TSPAN9: variants seen among roughly 807,000 people sequenced by gnomAD.
The protein encoded by TSPAN9 is tetraspanin 9, also known as tetraspanin-9.
TSPAN9 carries 16 observed loss-of-function variants against 31.0 expected under a neutral mutation model. That is an observed-to-expected ratio of 0.52 (90% CI 0.35 to 0.78). The LOEUF (loss-of-function observed/expected upper bound fraction) is 0.78. TSPAN9 is among the 30% of genes least tolerant of loss of function. TSPAN9 has a pLI of 0.01. For missense variants in TSPAN9, 272 were observed against 312.5 expected (o/e 0.87, Z 0.98); for synonymous variants, 145 against 121.6 (o/e 1.19, Z -1.27).
chr12:3,246,755 C>T (rs1215398775), intron 3 of TSPAN9, among the ~76,000 whole-genome samples: 1 of 152,186 alleles, frequency 6.6e-6, no homozygotes, highest in Non-Finnish European at 1.5e-5. Flanking sequence ...TGGTATCTTC[C>T]CCAGCTCCGC....
intron 2 of TSPAN9, among the ~76,000 whole-genome samples, chr12:3,090,315 C>A (rs2098303600): frequency 6.6e-6 from 1 of 152,230 alleles, no homozygotes; most frequent in African/African-American, 2.4e-5. Flanking sequence ...TTAACACAAA[C>A]ACCATTTTCT....
intron 3 of TSPAN9, among the ~76,000 whole-genome samples, chr12:3,247,391 A>G (rs1324236051): frequency 7.1e-6 from 1 of 141,264 alleles, no homozygotes; most frequent in Non-Finnish European, 1.5e-5. Flanking sequence ...AGGAGATGGG[A>G]CCTAAAGATG....
intron 3 of TSPAN9, among the ~76,000 whole-genome samples, chr12:3,244,868 G>C (rs968298491): frequency 6.6e-6 from 1 of 152,154 alleles, no homozygotes; most frequent in African/African-American, 2.4e-5. Flanking sequence ...TTCCTCCCCT[G>C]CTCCTCCTGG....
chr12:3,271,124 A>T (rs1408953209), intron 3 of TSPAN9, among the ~76,000 whole-genome samples: 1 of 152,230 alleles, frequency 6.6e-6, no homozygotes, highest in South Asian at 2.1e-4. Context: ...AGGCACAAAA[A>T]TATGGGTGTC....
chr12:3,079,593 C>T (rs1207249877), intron 1 of TSPAN9, among the ~76,000 whole-genome samples: 1 of 152,104 alleles, frequency 6.6e-6, no homozygotes, highest in Non-Finnish European at 1.5e-5. Context: ...TCCCAAGTAA[C>T]TGGGATTACA....
chr12:3,198,694 AC>A (rs1434579820), intron 2 of TSPAN9, among the ~76,000 whole-genome samples: 30 of 61,964 alleles, frequency 4.8e-4, no homozygotes, highest in Admixed American at 6.5e-4. Context: ...AGCACAGGTC[AC>A]CACCAGCACA....
intron 2 of TSPAN9, among the ~76,000 whole-genome samples, chr12:3,138,092 G>A (rs1287077742): frequency 7.9e-5 from 12 of 152,204 alleles, no homozygotes; most frequent in Admixed American, 2.6e-4. Flanking sequence ...TGCATTTGTC[G>A]TCCATGGGTG....
At chr12:3,115,644 CAG>C (rs1019510203) in intron 2 of TSPAN9, among the ~76,000 whole-genome samples, 3 of 152,176 alleles carry the variant, frequency 2.0e-5, no homozygotes, top group Non-Finnish European at 4.4e-5. Context: ...GCAGTGGAAA[CAG>C]GGCAAGAGAG....
At chr12:3,242,028 C>T (rs750329814) in intron 3 of TSPAN9, among the ~76,000 whole-genome samples, 1 of 152,206 alleles carries the variant, frequency 6.6e-6, no homozygotes, top group Admixed American at 6.5e-5. Flanking sequence ...GTGGGGTCAG[C>T]GAATCGGGGG....
intron 2 of TSPAN9, among the ~76,000 whole-genome samples, chr12:3,137,868 A>C (rs2098332827): frequency 6.6e-6 from 1 of 151,928 alleles, no homozygotes; most frequent in Admixed American, 6.6e-5. Flanking sequence ...CAGGGGCTTG[A>C]CTTCCTTCCC....
At chr12:3,177,072 CTTGCCAGCA>C (rs2098356103) in intron 2 of TSPAN9, among the ~76,000 whole-genome samples, 1 of 152,156 alleles carries the variant, frequency 6.6e-6, no homozygotes, top group Admixed American at 6.5e-5. Flanking sequence ...GCGCCACACT[CTTGCCAGCA>C]TTGAGTAGCC....
intron 3 of TSPAN9, among the ~76,000 whole-genome samples, chr12:3,238,515 C>A (rs559839117): frequency 1.4e-4 from 21 of 152,334 alleles, no homozygotes; most frequent in African/African-American, 4.6e-4. Context: ...GCTAGGAATA[C>A]CAAACCCTAC....
At chr12:3,210,627 G>A (rs1786711444) in intron 3 of TSPAN9, among the ~76,000 whole-genome samples, 1 of 151,880 alleles carries the variant, frequency 6.6e-6, no homozygotes, top group Non-Finnish European at 1.5e-5. Flanking sequence ...TCTTCATGGG[G>A]TCTCTTGGTA....
rs1162833983 is a variant in TSPAN9 at position 3,172,158 on chromosome 12, C to G, written c.-17-29019C>G. On this transcript the variant is annotated intron_variant, in intron 2 of 8. Coordinates refer to ENST00000011898, the MANE Select transcript of TSPAN9 (RefSeq NM_006675.5). This position sits in a 1 kb window ranked among gnomAD's most constrained non-coding sequence, Gnocchi z 4.8. ...ATATCTCCCAGGCTTTTCATTTCTC[C>G]TCTTCCTCCCTGGCCCTCTGGTAGC... 2.6e-5 allele frequency: 4 copies of G among 152,358 alleles called. No individual in the cohort carries two copies. Among genetic ancestry groups the G allele is most frequent in the Non-Finnish European group, 4.4e-5 (3 of 68,118 alleles). The allele number at this position is 152,358 out of a possible 1,614,324, so 9.4% of individuals were successfully genotyped here.
intron 2 of TSPAN9, among the ~76,000 whole-genome samples, chr12:3,198,981 G>C (rs4766069): frequency 6.6e-6 from 1 of 152,146 alleles, no homozygotes; most frequent in Non-Finnish European, 1.5e-5. Context: ...CATGCCTGTT[G>C]TGGTAGCTCT....
At position 3,192,722 on chromosome 12, in the gene TSPAN9, T is replaced by G. The variant is rs2098365082; in HGVS notation, c.-17-8455T>G. Among the ~76,000 whole-genome samples the G allele has an allele frequency of 6.6e-6, 1 of 151,858 alleles. No individual in the cohort carries two copies. The highest frequency in any genetic ancestry group is 1.5e-5 in the Non-Finnish European group (1 of 67,964). On this transcript the variant is annotated intron_variant, in intron 2 of 8. Coordinates refer to ENST00000011898, the MANE Select transcript of TSPAN9 (RefSeq NM_006675.5). This position sits in a 1 kb window ranked among gnomAD's most constrained non-coding sequence, Gnocchi z 4.6. ...GGGGTCAACAGCATGCAGATGGCCC[T>G]GGAACGGAGGAGATGGTCATATAGA...
chr12:3,213,092 G>T (rs1326885404), intron 3 of TSPAN9, among the ~76,000 whole-genome samples: 2 of 152,316 alleles, frequency 1.3e-5, no homozygotes, highest in South Asian at 2.1e-4. Flanking sequence ...GTACAGCGGT[G>T]TGCTGGTTGC....
chr12:3,208,303 T>TGG (rs552094158), intron 3 of TSPAN9, among the ~76,000 whole-genome samples: 5 of 150,838 alleles, frequency 3.3e-5, no homozygotes, highest in African/African-American at 9.8e-5. Context: ...TATGGGAGAA[T>TGG]GGGGGCAGCT....
At chr12:3,088,801 G>C (rs1386972250) in intron 2 of TSPAN9, among the ~76,000 whole-genome samples, 1 of 152,124 alleles carries the variant, frequency 6.6e-6, no homozygotes, top group African/African-American at 2.4e-5. Flanking sequence ...TGGTTGGGGT[G>C]GGGACAGGTG....
Sources: gnomAD v4.1 joint callset for allele counts (sites outside exome capture counted in the v4.1 genomes callset) on GRCh38, gnomAD v4.1.1 for gene constraint, Gnocchi (gnomAD v3.1) non-coding constraint, MANE v1.5 for transcripts, NCBI Gene and HGNC (gene_info 2026-07-23, HGNC 2026-07-21) for gene names.